FHIT: variants seen among roughly 807,000 people sequenced by gnomAD.
FHIT encodes fragile histidine triad diadenosine triphosphatase, also known as bis(5'-adenosyl)-triphosphatase.
A neutral mutation model predicts 17.9 loss-of-function variants in FHIT; 19 were observed. The ratio of observed to expected loss-of-function variants is 1.06; its 90% confidence interval spans 0.74 to 1.56. The LOEUF is 1.56. FHIT is among the 40% of genes most tolerant of loss of function. FHIT has a pLI of 0.00. For missense variants in FHIT, 248 were observed against 189.2 expected (o/e 1.31, Z -1.82); for synonymous variants, 81 against 69.7 (o/e 1.16, Z -0.81).
At chr3:61,070,541 T>C (rs1351863825) in intron 2 of FHIT, among the ~76,000 whole-genome samples, 1 of 152,210 alleles carries the variant, frequency 6.6e-6, no homozygotes, top group East Asian at 1.9e-4. Context: ...CTTTCTAACC[T>C]ATTAGAATCC....
At chr3:60,234,679 G>T (rs116324978) in intron 5 of FHIT, among the ~76,000 whole-genome samples, 2,637 of 152,260 alleles carry the variant, frequency 0.017, 72 homozygotes, top group African/African-American at 0.058. Flanking sequence ...TGAAAGAATT[G>T]ATTTTGAAGA....
In FHIT at chr3:60,488,586, T is replaced by A. The variant is rs538307070; in HGVS notation, c.103+48274A>T. Among the ~76,000 whole-genome samples the A allele has an allele frequency of 2.0e-5, 3 of 152,258 alleles. No individual in the cohort carries two copies. In the East Asian group the frequency reaches 5.8e-4, roughly 29 times the overall value. On this transcript the variant is annotated intron_variant, in intron 5 of 9. Transcript: ENST00000492590. ...TCTGGGGGCCATGAGGGAGGGCCTA[T>A]GACAGCAGGGTAGGGGATATTCTCA...
intron 8 of FHIT, among the ~76,000 whole-genome samples, chr3:59,901,982 GA>G (rs910834510): frequency 1.1e-4 from 16 of 152,118 alleles, no homozygotes; most frequent in Non-Finnish European, 2.1e-4. Context: ...GAAGAGCAAA[GA>G]AAACAAGCAA....
Position 60,384,354 on chromosome 3 carries a change from C to G in FHIT, c.103+152506G>C, listed in dbSNP as rs184320937. On this transcript the variant is annotated intron_variant, in intron 5 of 9. Coordinates refer to ENST00000492590, the MANE Select transcript of FHIT (RefSeq NM_002012.4). Reference sequence around the variant, plus strand: ...TTCCATAATATCTTAAGTTTCACAACAGAGATGATGATATAAAGTAGAATT... The same window carrying G: ...TTCCATAATATCTTAAGTTTCACAAGAGAGATGATGATATAAAGTAGAATT... 2.0e-5 allele frequency among the ~76,000 whole-genome samples: 3 copies of G among 151,522 alleles called. No individual in the cohort carries two copies. The East Asian group carries it at 5.8e-4, about 29-fold the overall frequency.
intron 5 of FHIT, among the ~76,000 whole-genome samples, chr3:60,073,476 A>G (rs1216863097): frequency 2.6e-5 from 4 of 152,136 alleles, no homozygotes; most frequent in African/African-American, 9.7e-5. Context: ...ATAGGCTCTC[A>G]TAGTACATGC....
intron 3 of FHIT, among the ~76,000 whole-genome samples, chr3:60,852,768 C>T (rs1309751435): frequency 6.6e-6 from 1 of 151,796 alleles, no homozygotes; most frequent in African/African-American, 2.4e-5. Context: ...CTTTGGGAGG[C>T]CAAAGTGGGA....
At chr3:61,184,978 G>A (rs536068375) in intron 2 of FHIT, among the ~76,000 whole-genome samples, 1 of 152,112 alleles carries the variant, frequency 6.6e-6, no homozygotes, top group African/African-American at 2.4e-5. Context: ...TGGCTCTAAG[G>A]GAAATGAGAA....
chr3:60,168,768 T>C (rs201388362), intron 5 of FHIT, among the ~76,000 whole-genome samples: 1 of 152,182 alleles, frequency 6.6e-6, no homozygotes, highest in Non-Finnish European at 1.5e-5. Flanking sequence ...CACCACACAG[T>C]GAAGCTAAAA....
intron 5 of FHIT, among the ~76,000 whole-genome samples, chr3:60,527,433 G>C (rs1032806287): frequency 2.0e-5 from 3 of 152,188 alleles, no homozygotes; most frequent in Non-Finnish European, 2.9e-5. Flanking sequence ...ATAAAAAGAA[G>C]TTCTTGATAA....
chr3:60,564,227 G>T (rs1201612602), intron 4 of FHIT, among the ~76,000 whole-genome samples: 12 of 152,104 alleles, frequency 7.9e-5, no homozygotes, highest in Admixed American at 6.6e-4. Context: ...ATGATTTACT[G>T]AATTTTTTAA....
chr3:61,243,219 A>G (rs530222074), intron 1 of FHIT, among the ~76,000 whole-genome samples: 4 of 152,142 alleles, frequency 2.6e-5, no homozygotes, highest in Non-Finnish European at 5.9e-5. Context: ...TCTTCTCCAC[A>G]TAATATATAA....
At chr3:60,984,404 C>T (rs1710630182) in intron 3 of FHIT, among the ~76,000 whole-genome samples, 1 of 152,226 alleles carries the variant, frequency 6.6e-6, no homozygotes, top group Non-Finnish European at 1.5e-5. Flanking sequence ...CCCCCACCTA[C>T]CAATACACCC....
intron 1 of FHIT, among the ~76,000 whole-genome samples, chr3:61,229,139 A>G (rs1318810717): frequency 6.7e-6 from 1 of 149,648 alleles, no homozygotes; most frequent in East Asian, 1.9e-4. Context: ...ACTTTATTAG[A>G]AAAAAAAGTC....
At chr3:60,607,043 A>G (rs1464944558) in intron 4 of FHIT, among the ~76,000 whole-genome samples, 2 of 152,088 alleles carry the variant, frequency 1.3e-5, no homozygotes, top group Admixed American at 6.6e-5. Flanking sequence ...TTGTTTCAAA[A>G]GTTGTTAATT....
At chr3:61,214,334 AATCCC>A (rs1480629471) in intron 1 of FHIT, among the ~76,000 whole-genome samples, 1 of 152,170 alleles carries the variant, frequency 6.6e-6, no homozygotes, top group African/African-American at 2.4e-5. Flanking sequence ...TATCACCACC[AATCCC>A]ATAGAAATAC....
chr3:59,911,183 A>G, intron 8 of FHIT, among the ~76,000 whole-genome samples: 1 of 152,342 alleles, frequency 6.6e-6, no homozygotes, highest in East Asian at 1.9e-4. Flanking sequence ...ATGAATATAT[A>G]GTATTAAATA....
At chr3:60,610,804 A>G (rs1348247406) in intron 4 of FHIT, among the ~76,000 whole-genome samples, 1 of 152,238 alleles carries the variant, frequency 6.6e-6, no homozygotes, top group Non-Finnish European at 1.5e-5. Context: ...ATGCAAGAAC[A>G]CAATGCTCTC....
chr3:60,849,301 C>T (rs1553747550), intron 3 of FHIT, among the ~76,000 whole-genome samples: 1 of 151,760 alleles, frequency 6.6e-6, no homozygotes, highest in African/African-American at 2.4e-5. Flanking sequence ...CGTGTACCAA[C>T]GTAGATGTGT....
chr3:61,204,813 T>A (rs1213248295), intron 1 of FHIT, among the ~76,000 whole-genome samples: 1 of 152,188 alleles, frequency 6.6e-6, no homozygotes, highest in African/African-American at 2.4e-5. Context: ...AGTATTTATA[T>A]TCTTTTTTTA....
Sources: allele counts gnomAD v4.1 joint callset (sites outside exome capture counted in the v4.1 genomes callset), GRCh38; gene constraint gnomAD v4.1.1; transcripts MANE v1.5; gene names NCBI Gene and HGNC (gene_info 2026-07-23, HGNC 2026-07-21).